The following CUBN variants were observed in gnomAD, a reference collection of about 807,000 sequenced individuals.
CUBN encodes 460 kDa receptor.
Under a neutral mutation model 405.3 loss-of-function variants are expected in CUBN, and 282 were observed. That is an observed-to-expected ratio of 0.70 (90% confidence interval 0.63 to 0.77). The LOEUF (loss-of-function observed/expected upper bound fraction) is 0.77. CUBN is among the 30% of genes least tolerant of loss of function. The pLI, the probability that CUBN is intolerant of heterozygous loss-of-function variation, is 0.00. For synonymous variants in CUBN, 1,684 were observed against 1,617.0 expected (o/e 1.04, Z -0.99); for missense variants, 4,514 against 4,475.2 (o/e 1.01, Z -0.25).
chr10:16,936,450 A>T (rs1408165481), intron 39 of CUBN, among the ~76,000 whole-genome samples: 2 of 152,204 alleles, frequency 1.3e-5, no homozygotes, highest in African/African-American at 2.4e-5. Flanking sequence ...TTCAGAATGG[A>T]ATACTAAGGG....
chr10:17,048,916 G>T (rs1170440917), intron 22 of CUBN, among the ~76,000 whole-genome samples: 3 of 152,196 alleles, frequency 2.0e-5, no homozygotes, highest in African/African-American at 7.2e-5. Flanking sequence ...CTATCTGTGT[G>T]TAGCTCTCAA....
At chr10:17,060,598 T>C (rs57672456) in intron 22 of CUBN, among the ~76,000 whole-genome samples, 8,157 of 152,292 alleles carry the variant, frequency 0.054, 648 homozygotes, top group African/African-American at 0.17. Flanking sequence ...TACAAAATTA[T>C]GAGAAAACAC....
chr10:16,924,375 C>T (rs1842122023), intron 43 of CUBN, among the ~76,000 whole-genome samples: 1 of 152,084 alleles, frequency 6.6e-6, no homozygotes, highest in South Asian at 2.1e-4. Flanking sequence ...TGTTCTGGAC[C>T]TTACTCAAGC....
intron 27 of CUBN, among the ~76,000 whole-genome samples, chr10:17,029,360 A>G (rs1834740192): frequency 1.3e-5 from 2 of 152,222 alleles, no homozygotes; most frequent in African/African-American, 4.8e-5. Flanking sequence ...TCAATTTTTT[A>G]TAACTAAAAA....
chr10:16,950,529 T>C (rs1842898943), intron 33 of CUBN, among the ~76,000 whole-genome samples: 1 of 152,174 alleles, frequency 6.6e-6, no homozygotes, highest in Non-Finnish European at 1.5e-5. Flanking sequence ...CTTCTGGTAA[T>C]TTCATGTAAG....
intron 26 of CUBN, among the ~76,000 whole-genome samples, chr10:17,043,407 C>T (rs1434034012): frequency 6.6e-6 from 1 of 152,096 alleles, no homozygotes; most frequent in Non-Finnish European, 1.5e-5. Context: ...TGATAGAATA[C>T]TATGTACATT....
intron 31 of CUBN, among the ~76,000 whole-genome samples, chr10:16,974,770 C>T (rs980912477): frequency 2.0e-5 from 3 of 152,096 alleles, no homozygotes; most frequent in Admixed American, 1.3e-4. Flanking sequence ...AAGACTAGCG[C>T]CCCCTCCCTC....
rs1354382888 is a variant in CUBN at position 17,129,183 on chromosome 10, T to C, written c.190A>G (p.Arg64Gly). The stretch of plus-strand genomic sequence containing the variant: ...TTAATTTTTCCCAGGGATCCGGTTC[T>C]AAACTCAATGTTTTGAGCAGACCCC... ...LTGSAQNIEF[R>G]TGSLGKIKLN... Residue 64 changes from arginine to glycine, a missense_variant, in exon 2 of 67, where the codon AGA (arginine) becomes GGA (glycine). Physicochemically the swap from Arg to Gly is moderately radical, Grantham distance 125. Coordinates refer to ENST00000377833, the MANE Select transcript of CUBN (RefSeq NM_001081.4). 3.1e-6 allele frequency: 5 copies of C among 1,613,458 alleles called. No homozygotes were observed. Among genetic ancestry groups the C allele is most frequent in the Admixed American group, 1.7e-5 (1 of 60,028 alleles).
At chr10:16,996,048 C>T (rs1352388437) in intron 28 of CUBN, among the ~76,000 whole-genome samples, 3 of 152,138 alleles carry the variant, frequency 2.0e-5, no homozygotes, top group African/African-American at 7.2e-5. Flanking sequence ...TCTGTGTTCT[C>T]TCTCCCCCAT....
chr10:16,848,407 T>A (rs1429956973), intron 60 of CUBN, among the ~76,000 whole-genome samples: 1 of 152,238 alleles, frequency 6.6e-6, no homozygotes, highest in African/African-American at 2.4e-5. Context: ...GAGGTAAATT[T>A]GTTTACAATT....
chr10:17,129,318 G>GT (rs1837268285), intron 1 of CUBN, 68 bp from the exon 2 acceptor site: 1 of 1,542,936 alleles, frequency 6.5e-7, no homozygotes, highest in Non-Finnish European at 9.0e-7. Context: ...AAATAACAAA[G>GT]TTTCTTACTG....
At chr10:16,991,592 A>T (rs1255420792) in intron 28 of CUBN, among the ~76,000 whole-genome samples, 1 of 151,880 alleles carries the variant, frequency 6.6e-6, no homozygotes, top group South Asian at 2.1e-4. Flanking sequence ...TGATTAACAA[A>T]ACATTTTTTG....
chr10:16,941,820 AAC>A (rs1304215303), intron 36 of CUBN, among the ~76,000 whole-genome samples: 1 of 152,166 alleles, frequency 6.6e-6, no homozygotes, highest in Non-Finnish European at 1.5e-5. Context: ...CAGCCTATGC[AAC>A]AGAGTGAGAC....
chr10:17,018,109 G>T (rs974853522), intron 28 of CUBN, among the ~76,000 whole-genome samples: 10 of 152,154 alleles, frequency 6.6e-5, no homozygotes, highest in African/African-American at 2.4e-4. Context: ...GTTGGGGGTT[G>T]TTAGAGAGCC....
intron 56 of CUBN, among the ~76,000 whole-genome samples, chr10:16,887,238 C>T (rs1014664564): frequency 1.8e-4 from 28 of 152,254 alleles, no homozygotes; most frequent in African/African-American, 6.5e-4. Context: ...ACTTTAAATG[C>T]AAGTGAATAA....
At chr10:16,851,600 C>T (rs2131338198) in intron 59 of CUBN, among the ~76,000 whole-genome samples, 157 bp from the exon 60 acceptor site, 1 of 151,960 alleles carries the variant, frequency 6.6e-6, no homozygotes, top group Middle Eastern at 3.4e-3. Context: ...TCCTCCCTCC[C>T]TCTTTTCTTT....
chr10:16,841,126 G>T, intron 60 of CUBN, 79 bp from the exon 61 acceptor site: 1 of 1,244,540 alleles, frequency 8.0e-7, no homozygotes, highest in Non-Finnish European at 1.2e-6. Context: ...ACGCGAAGTT[G>T]CAATAGGTCA....
intron 31 of CUBN, among the ~76,000 whole-genome samples, chr10:16,981,818 A>G (rs1833285284): frequency 6.6e-6 from 1 of 152,174 alleles, no homozygotes; most frequent in Non-Finnish European, 1.5e-5. Context: ...CTCCCATCTC[A>G]GTAGCAGAAA....
intron 49 of CUBN, among the ~76,000 whole-genome samples, chr10:16,907,175 G>C (rs1294232609): frequency 6.6e-6 from 1 of 152,054 alleles, no homozygotes; most frequent in Admixed American, 6.5e-5. Context: ...TTACCCTCTA[G>C]GAGGTAGATG....
Sources: gnomAD v4.1 joint callset for allele counts (sites outside exome capture counted in the v4.1 genomes callset) on GRCh38, gnomAD v4.1.1 for gene constraint, MANE v1.5 for transcripts, NCBI Gene and HGNC (gene_info 2026-07-23, HGNC 2026-07-21) for gene names.